Variants in SUSD1 observed in about 807,000 individuals in gnomAD.
The protein encoded by SUSD1 is sushi domain-containing protein 1.
SUSD1 carries 65 observed loss-of-function variants against 86.9 expected under a neutral mutation model. The ratio of observed to expected loss-of-function variants is 0.75; its 90% CI spans 0.61 to 0.92. SUSD1 has a LOEUF of 0.92. Ranked by LOEUF, SUSD1 falls within the 40% of genes least tolerant of loss-of-function variation. The pLI, the probability that SUSD1 is intolerant of heterozygous loss-of-function variation, is 0.00. For synonymous variants in SUSD1, 346 were observed against 350.0 expected (o/e 0.99, Z 0.13); for missense variants, 850 against 929.7 (o/e 0.91, Z 1.11).
chr9:112,097,334 A>T (rs1198033687), intron 10 of SUSD1, among the ~76,000 whole-genome samples: 1 of 151,980 alleles, frequency 6.6e-6, no homozygotes, highest in Non-Finnish European at 1.5e-5. Flanking sequence ...CAAAAAAAAA[A>T]AATTAATTTT....
chr9:112,061,220 G>A (rs1828708923), intron 13 of SUSD1, among the ~76,000 whole-genome samples: 1 of 152,102 alleles, frequency 6.6e-6, no homozygotes, highest in Non-Finnish European at 1.5e-5. Context: ...GCTCCATTAT[G>A]TACCCCAAGA....
At chr9:112,043,965 T>G (rs1827852642) in intron 15 of SUSD1, among the ~76,000 whole-genome samples, 1 of 152,028 alleles carries the variant, frequency 6.6e-6, no homozygotes, top group African/African-American at 2.4e-5. Flanking sequence ...CACGCCCGGC[T>G]AGTTTTTGTA....
intron 2 of SUSD1, among the ~76,000 whole-genome samples, chr9:112,155,176 A>C (rs1488144831): frequency 6.6e-6 from 1 of 151,862 alleles, no homozygotes; most frequent in Admixed American, 6.6e-5. Context: ...ACTTGAACCC[A>C]GGAGGCAGAG....
chr9:112,046,168 A>G (rs943763668), intron 15 of SUSD1, among the ~76,000 whole-genome samples: 33 of 152,222 alleles, frequency 2.2e-4, no homozygotes, highest in African/African-American at 7.5e-4. Context: ...AATCTAATCA[A>G]GAGTGCTCAC....
At position 112,098,220 on chromosome 9, in the gene SUSD1, G is replaced by A. The variant is rs1329099123; in HGVS notation, c.1474+250C>T. Among the ~76,000 whole-genome samples, 14 of 152,086 alleles carry A rather than the reference G, an allele frequency of 9.2e-5. 1 individual carries two copies. Among genetic ancestry groups the A allele is most frequent in the Admixed American group, 9.2e-4 (14 of 15,266 alleles). On this transcript the variant is annotated intron_variant, in intron 10 of 16. Transcript: ENST00000374270. ...ATGCTTTATGGAATTCTCAACTTAG[G>A]ACTCCCAGGGAGCTCTGAATAAATC...
At chr9:112,100,419 C>CTCG (rs1331688562) in intron 9 of SUSD1, among the ~76,000 whole-genome samples, 1 of 152,050 alleles carries the variant, frequency 6.6e-6, no homozygotes, top group Non-Finnish European at 1.5e-5. Flanking sequence ...ATCTCCTGAC[C>CTCG]TCGTGATCCA....
intron 2 of SUSD1, among the ~76,000 whole-genome samples, chr9:112,157,119 G>A (rs182958167): frequency 6.6e-6 from 1 of 152,232 alleles, no homozygotes; most frequent in African/African-American, 2.4e-5. Flanking sequence ...AAAGTCCAAT[G>A]GCAAATTGTT....
chr9:112,041,476 C>T lies in SUSD1; in HGVS notation c.*16G>A. 1 of 781,058 alleles carries T rather than the reference C, an allele frequency of 1.3e-6. No individual in the cohort carries two copies. The highest frequency in any genetic ancestry group is 2.4e-5 in the East Asian group (1 of 41,254). The allele number at this position is 781,058 out of a possible 1,614,324, so 48.4% of individuals were successfully genotyped here. A position where few individuals can be genotyped will look rare whatever the true frequency, so the allele number is the denominator to read the frequency against. On this transcript the variant is annotated 3_prime_UTR_variant, in exon 17 of 17. Transcript: ENST00000374270. ...CCAGCAGCAGTGCATCCTCCCCACTCAGTGTCCATCTGCCATCTAGACATG... is the reference window on the plus strand; with the variant it reads ...CCAGCAGCAGTGCATCCTCCCCACTTAGTGTCCATCTGCCATCTAGACATG...
At chr9:112,075,160 G>C (rs1301460468) in intron 12 of SUSD1, among the ~76,000 whole-genome samples, 1 of 152,012 alleles carries the variant, frequency 6.6e-6, no homozygotes, top group Non-Finnish European at 1.5e-5. Context: ...ACCACAGAAA[G>C]AAATGCCCAG....
At chr9:112,148,525 G>A (rs1269956327) in intron 3 of SUSD1, among the ~76,000 whole-genome samples, 1 of 152,034 alleles carries the variant, frequency 6.6e-6, no homozygotes, top group Non-Finnish European at 1.5e-5. Context: ...GCTGAGGAGT[G>A]CCACTCACCC....
intron 2 of SUSD1, among the ~76,000 whole-genome samples, chr9:112,149,877 C>G (rs754087820): frequency 2.0e-5 from 3 of 152,144 alleles, no homozygotes; most frequent in Non-Finnish European, 4.4e-5. Flanking sequence ...GCAGCCTCAT[C>G]CGGAGCAGGG....
intron 15 of SUSD1, among the ~76,000 whole-genome samples, chr9:112,050,831 G>C (rs567200666): frequency 6.6e-6 from 1 of 152,158 alleles, no homozygotes; most frequent in Non-Finnish European, 1.5e-5. Flanking sequence ...GGGAAATCCC[G>C]AGCCTGGAAA....
At chr9:112,161,271 T>TC (rs1833555234) in intron 1 of SUSD1, among the ~76,000 whole-genome samples, 1 of 151,494 alleles carries the variant, frequency 6.6e-6, no homozygotes, top group Admixed American at 6.6e-5. Flanking sequence ...TCCCAGCTAC[T>TC]CAGGAGGCTA....
At chr9:112,084,470 A>G (rs1829893920) in intron 10 of SUSD1, among the ~76,000 whole-genome samples, 1 of 152,196 alleles carries the variant, frequency 6.6e-6, no homozygotes, top group Non-Finnish European at 1.5e-5. Flanking sequence ...ACATATGCTC[A>G]AGTAACCTAA....
intron 5 of SUSD1, among the ~76,000 whole-genome samples, chr9:112,130,649 G>A (rs183410688): frequency 6.6e-6 from 1 of 151,808 alleles, no homozygotes; most frequent in Non-Finnish European, 1.5e-5. Context: ...GAAAGAGAGA[G>A]AGAATATAGC....
intron 12 of SUSD1, among the ~76,000 whole-genome samples, chr9:112,076,429 T>G (rs1490986932): frequency 6.6e-6 from 1 of 152,052 alleles, no homozygotes; most frequent in African/African-American, 2.4e-5. Context: ...TTGTTTTTGG[T>G]CTGAACAATT....
At chr9:112,168,329 G>A (rs1833907975) in intron 1 of SUSD1, among the ~76,000 whole-genome samples, 1 of 152,182 alleles carries the variant, frequency 6.6e-6, no homozygotes, top group Non-Finnish European at 1.5e-5. Context: ...ACCCATTGAT[G>A]GGCTGATATC....
chr9:112,155,597 T>TTTTG (rs1342937115), intron 2 of SUSD1, among the ~76,000 whole-genome samples: 2 of 152,228 alleles, frequency 1.3e-5, no homozygotes, highest in Admixed American at 1.3e-4. Context: ...TTTTTGGTTT[T>TTTTG]TTTGTTTGTT....
chr9:112,111,584 C>A (rs748177695), intron 8 of SUSD1, 70 bp downstream of exon 8: 4 of 1,547,552 alleles, frequency 2.6e-6, no homozygotes, highest in Admixed American at 1.9e-5. Flanking sequence ...CCAGCTGATT[C>A]TGCAGCATAC....
Sources: gnomAD v4.1 joint callset for allele counts (sites outside exome capture counted in the v4.1 genomes callset) on GRCh38, gnomAD v4.1.1 for gene constraint, MANE v1.5 for transcripts, NCBI Gene and HGNC (gene_info 2026-07-23, HGNC 2026-07-21) for gene names.